Variants in MYH16 observed in about 807,000 individuals in gnomAD.
MYH16 encodes myosin heavy chain 16.
intron 18 of MYH16, among the ~76,000 whole-genome samples, chr7:99,269,339 G>A (rs992261780): frequency 2.0e-5 from 3 of 149,522 alleles, no homozygotes; most frequent in Admixed American, 1.3e-4. Flanking sequence ...GCAGTGACAC[G>A]ATCACAGCTC....
chr7:99,284,283 G>A (rs538462605), intron 25 of MYH16, among the ~76,000 whole-genome samples: 14 of 152,132 alleles, frequency 9.2e-5, no homozygotes, highest in Non-Finnish European at 1.8e-4. Flanking sequence ...AGCAGGGCAG[G>A]GAGGCGTCAT....
chr7:99,239,249 G>A (rs2150802637), intron 1 of MYH16, among the ~76,000 whole-genome samples: 2 of 152,326 alleles, frequency 1.3e-5, no homozygotes, highest in East Asian at 3.9e-4. Flanking sequence ...TAGAGATTCC[G>A]AGACAGATCA....
At chr7:99,277,670 G>C in exon 21 of MYH16, 1 of 456,772 alleles carries the variant, frequency 2.2e-6, no homozygotes, top group South Asian at 1.5e-5. Flanking sequence ...AGACAGCCAC[G>C]CTCAGCCAGG....
chr7:99,286,855 AAAG>A (rs1302017017), intron 28 of MYH16, among the ~76,000 whole-genome samples: 3 of 151,766 alleles, frequency 2.0e-5, no homozygotes, highest in Admixed American at 6.6e-5. Flanking sequence ...TCAAGAGGCT[AAAG>A]AAGGAGGATC....
intron 23 of MYH16, 95 bp from the exon 6 acceptor site, chr7:99,283,470 G>C (rs1270016691): frequency 2.3e-6 from 1 of 430,598 alleles, no homozygotes; most frequent in Non-Finnish European, 4.7e-6. Context: ...CAAAGCCTGG[G>C]AGCTGCATAG....
exon 21 of MYH16, chr7:99,277,692 C>T (rs1562780341): frequency 2.2e-6 from 1 of 456,498 alleles, no homozygotes; most frequent in Admixed American, 2.4e-5. Context: ...GAAGAATGAC[C>T]TCACCATCCA....
intron 23 of MYH16, among the ~76,000 whole-genome samples, chr7:99,281,189 G>T (rs1482271005): frequency 6.6e-6 from 1 of 152,174 alleles, no homozygotes; most frequent in Non-Finnish European, 1.5e-5. Context: ...TTCCAAGTTT[G>T]TTATAAGTGG....
chr7:99,249,036 C>T (rs1791775564), intron 4 of MYH16: 1 of 152,696 alleles, frequency 6.5e-6, no homozygotes, highest in Admixed American at 6.5e-5. Context: ...TCTCTTCCAT[C>T]TCTGTCTATA....
intron 4 of MYH16, among the ~76,000 whole-genome samples, chr7:99,249,585 T>TTG (rs1554476776): frequency 9.7e-5 from 11 of 113,714 alleles, no homozygotes; most frequent in African/African-American, 3.5e-4. Context: ...TTTTTTTTTT[T>TTG]TTTTTTTTTT....
At chr7:99,307,549 C>T (rs932523941), downstream of MYH16, among the ~76,000 whole-genome samples, 2 of 151,928 alleles carry the variant, frequency 1.3e-5, no homozygotes, top group South Asian at 2.1e-4. Context: ...ACAGTGAAAC[C>T]CTGTCTCTAC....
intron 1 of MYH16, among the ~76,000 whole-genome samples, chr7:99,241,452 C>T (rs762977433): frequency 3.4e-4 from 52 of 152,122 alleles, no homozygotes; most frequent in Admixed American, 1.8e-3. Flanking sequence ...GCATGGTGGC[C>T]TGCGCCTGTA....
intron 1 of MYH16, among the ~76,000 whole-genome samples, chr7:99,240,810 A>C (rs958193534): frequency 3.3e-5 from 5 of 150,138 alleles, no homozygotes; most frequent in Non-Finnish European, 7.4e-5. Context: ...GCTGCACTCC[A>C]GCCTGGGTGA....
intron 20 of MYH16, among the ~76,000 whole-genome samples, chr7:99,276,939 C>G (rs560537398): frequency 6.6e-6 from 1 of 150,676 alleles, no homozygotes; most frequent in East Asian, 2.0e-4. Context: ...GAGAAAGAGA[C>G]AGAGAGAAAG....
At chr7:99,289,384 C>G (rs772256663) in exon 30 of MYH16, 3 of 442,268 alleles carry the variant, frequency 6.8e-6, no homozygotes, top group Admixed American at 4.9e-5. Context: ...GAAATCAATG[C>G]CATCAGGACC....
intron 23 of MYH16, among the ~76,000 whole-genome samples, chr7:99,282,923 G>A (rs561790297): frequency 1.2e-4 from 18 of 152,302 alleles, no homozygotes; most frequent in Non-Finnish European, 2.5e-4. Flanking sequence ...AGTAGAAATG[G>A]TTGTTTTACT....
chr7:99,239,442 GA>G (rs1164529539), intron 1 of MYH16, among the ~76,000 whole-genome samples: 5 of 152,226 alleles, frequency 3.3e-5, no homozygotes, highest in Admixed American at 2.0e-4. Context: ...AGGGCCATGA[GA>G]GAGGGCACAG....
chr7:99,308,258 G>GCACTC (rs1218742880), downstream of MYH16, among the ~76,000 whole-genome samples: 1 of 129,852 alleles, frequency 7.7e-6, no homozygotes, highest in Non-Finnish European at 1.6e-5. Flanking sequence ...TCACGCCACT[G>GCACTC]CACTCCAGCC....
At chr7:99,305,522 C>CAATCA (rs1430474180) in intron 40 of MYH16, 4 of 152,360 alleles carry the variant, frequency 2.6e-5, no homozygotes, top group Non-Finnish European at 5.9e-5. Context: ...AAGTGTCTGA[C>CAATCA]AATCACAGCA....
At chr7:99,291,617 A>ACCCC (rs34446113) in intron 31 of MYH16, among the ~76,000 whole-genome samples, 167 bp downstream of exon 12, 302 of 105,942 alleles carry the variant, frequency 2.9e-3, no homozygotes, top group African/African-American at 0.01. Flanking sequence ...ACACAGCAAG[A>ACCCC]CCCCCCCCCA....
Sources: gnomAD v4.1 joint callset for allele counts (sites outside exome capture counted in the v4.1 genomes callset) on GRCh38, gnomAD v4.1.1 for gene constraint, MANE v1.5 for transcripts, NCBI Gene and HGNC (gene_info 2026-07-23, HGNC 2026-07-21) for gene names.